The following CNOT10 variants were observed in gnomAD, a reference collection of about 807,000 sequenced individuals.
CNOT10 encodes the protein CCR4-NOT transcription complex, subunit 10.
CNOT10 carries 30 observed loss-of-function variants against 94.6 expected under a neutral mutation model. That is an observed-to-expected ratio of 0.32 (90% CI 0.24 to 0.43). The LOEUF is 0.43. Among genes scored for constraint, CNOT10 ranks in the 20% least tolerant of loss-of-function variants. The pLI is 1.00. For synonymous variants in CNOT10, 289 were observed against 301.6 expected (o/e 0.96, Z 0.43); for missense variants, 759 against 877.2 (o/e 0.87, Z 1.70).
chr3:32,740,774 A>G (rs1699427181), intron 13 of CNOT10, among the ~76,000 whole-genome samples: 1 of 152,024 alleles, frequency 6.6e-6, no homozygotes, highest in East Asian at 1.9e-4. Context: ...AGCCAGGAGA[A>G]TGGCGTGAAC....
At chr3:32,689,312 C>A (rs151166598) in intron 1 of CNOT10, among the ~76,000 whole-genome samples, 1,547 of 148,370 alleles carry the variant, frequency 0.01, 27 homozygotes, top group African/African-American at 0.037. Context: ...AAGATCGTGC[C>A]ATTGCCCTCC....
chr3:32,737,828 T>TTTTATAAAAAGAA (rs1699263113), intron 13 of CNOT10, among the ~76,000 whole-genome samples: 2 of 152,106 alleles, frequency 1.3e-5, no homozygotes, highest in African/African-American at 4.8e-5. Context: ...AACACATTCT[T>TTTTATAAAAAGAA]TTTTATCTTG....
At chr3:32,714,528 G>A (rs1279915433) in intron 5 of CNOT10, among the ~76,000 whole-genome samples, 2 of 151,716 alleles carry the variant, frequency 1.3e-5, no homozygotes, top group African/African-American at 2.4e-5. Flanking sequence ...GGCCAACATG[G>A]TGAAACCGTG....
rs1700582339 is a variant in CNOT10, at chr3:32,764,490, T to C, written c.1876T>C (p.Ser626Pro). The change falls in exon 16 of 19, where the codon TCT becomes CCT. Residue 626 changes from serine to proline, a missense_variant and splice_region_variant. Ser to Pro is a moderately conservative substitution (Grantham distance 74). Coordinates refer to ENST00000328834, the MANE Select transcript of CNOT10 (RefSeq NM_015442.3). ...DKGENEAMES[S>P]GKRAPQCYPS... is the part of the protein sequence containing the mutation. Reference sequence around the variant, plus strand: ...AGGTGAAAATGAAGCAATGGAATCCTGTAAGTAAGAAGTTTTGTGATACTT... The same window carrying C: ...AGGTGAAAATGAAGCAATGGAATCCCGTAAGTAAGAAGTTTTGTGATACTT... 2 of 1,613,550 alleles carry C rather than the reference T, an allele frequency of 1.2e-6. No homozygotes were observed. The highest frequency in any genetic ancestry group is 1.7e-6 in the Non-Finnish European group (2 of 1,179,842).
chr3:32,695,968 AGTGTGTGTGTGTGTGTGT>A (rs764702440), intron 1 of CNOT10: 66,053 of 431,014 alleles, frequency 0.15, 2,488 homozygotes, highest in South Asian at 0.2. Context: ...TGTTGAAGAG[AGTGTGTGTGTGTGTGTGT>A]GTGTGTGTGT....
rs758575131 is a variant in CNOT10, at chr3:32,727,868, G to A, written c.1213G>A (p.Gly405Arg). ...LAECCIAANKGTSEQETKGLP... is the reference protein window; with the variant it reads ...LAECCIAANKRTSEQETKGLP... Reference sequence around the variant, plus strand: ...TGAATGCTGCATTGCTGCCAATAAGGGGGTGAGTGCTACTTGGGTATCTTT... The same window carrying A: ...TGAATGCTGCATTGCTGCCAATAAGAGGGTGAGTGCTACTTGGGTATCTTT... Residue 405 changes from glycine (G) to arginine (R), a missense_variant and splice_region_variant, in exon 10 of 19, where the codon GGG becomes AGG. This residue lies in a region of CNOT10 where 682 missense variants were observed against 799.4 expected (regional missense o/e 0.85). Transcript: ENST00000328834. 1.2e-6 allele frequency: 2 copies of A among 1,611,580 alleles called. No homozygotes were observed. Among genetic ancestry groups the A allele is most frequent in the Non-Finnish European group, 8.5e-7 (1 of 1,179,310 alleles).
chr3:32,688,949 T>C (rs986498109), intron 1 of CNOT10, among the ~76,000 whole-genome samples: 8 of 152,180 alleles, frequency 5.3e-5, no homozygotes, highest in African/African-American at 1.4e-4. Context: ...CTCACGCCTG[T>C]AATCCCAGCA....
intron 15 of CNOT10, among the ~76,000 whole-genome samples, chr3:32,763,604 C>A (rs1017235080): frequency 4.6e-5 from 7 of 151,578 alleles, no homozygotes; most frequent in Admixed American, 2.0e-4. Context: ...GAGCCAAGAT[C>A]ACGCCACTGC....
chr3:32,695,755 C>T, intron 1 of CNOT10: 1 of 1,535,934 alleles, frequency 6.5e-7, no homozygotes, highest in Non-Finnish European at 8.7e-7. Flanking sequence ...GTCGTATACT[C>T]TTTCAATTGG....
At chr3:32,772,844 T>A (rs1370443001) in intron 18 of CNOT10, among the ~76,000 whole-genome samples, 1 of 152,124 alleles carries the variant, frequency 6.6e-6, no homozygotes, top group Admixed American at 6.6e-5. Context: ...TTAGGGTTAG[T>A]GCATTGCCCT....
chr3:32,728,507 A>G (rs1003607604), intron 10 of CNOT10, among the ~76,000 whole-genome samples: 1 of 151,796 alleles, frequency 6.6e-6, no homozygotes, highest in Non-Finnish European at 1.5e-5. Context: ...CAGCTATTCA[A>G]GAGGCTGAAG....
chr3:32,685,493 A>T lies in CNOT10; in HGVS notation c.22+11A>T, dbSNP rs1201887858. On this transcript the variant is annotated intron_variant, in intron 1 of 18. Coordinates refer to ENST00000328834, the MANE Select transcript of CNOT10 (RefSeq NM_015442.3). ...CAGACAAGCCTGCAGGTAGGGCGCC[A>T]ATGTCCCGAGCGACGAGACGGCGGG... 23 of 1,549,962 alleles carry T rather than the reference A, an allele frequency of 1.5e-5. No homozygotes were observed. Among genetic ancestry groups the T allele is most frequent in the Non-Finnish European group, 1.9e-5 (22 of 1,146,596 alleles).
intron 1 of CNOT10, among the ~76,000 whole-genome samples, chr3:32,701,003 G>C (rs1000368797): frequency 2.6e-5 from 4 of 152,210 alleles, no homozygotes; most frequent in Non-Finnish European, 4.4e-5. Context: ...GCCAAGCGCA[G>C]TGGCTCACAC....
intron 1 of CNOT10, among the ~76,000 whole-genome samples, chr3:32,687,390 T>C (rs1165867101): frequency 6.6e-6 from 1 of 151,410 alleles, no homozygotes; most frequent in Non-Finnish European, 1.5e-5. Context: ...GTCATCATTC[T>C]TTTTATTTAA....
At chr3:32,685,928 T>A (rs1416916534) in intron 1 of CNOT10, among the ~76,000 whole-genome samples, 2 of 151,806 alleles carry the variant, frequency 1.3e-5, no homozygotes, top group African/African-American at 4.9e-5. Context: ...AAATTAACTT[T>A]GTAAAAACCA....
At chr3:32,759,737 G>A (rs1197354660) in intron 14 of CNOT10, among the ~76,000 whole-genome samples, 166 bp downstream of exon 14, 1 of 152,154 alleles carries the variant, frequency 6.6e-6, no homozygotes, top group African/African-American at 2.4e-5. Flanking sequence ...CAGTGAAAAT[G>A]TTTTCACTTG....
intron 4 of CNOT10, among the ~76,000 whole-genome samples, chr3:32,710,868 G>T (rs542756833): frequency 2.0e-5 from 3 of 152,160 alleles, no homozygotes; most frequent in South Asian, 2.1e-4. Flanking sequence ...TTACAGTCAC[G>T]CGCCACCACA....
chr3:32,754,910 A>C (rs970547599), intron 13 of CNOT10, among the ~76,000 whole-genome samples: 1 of 151,852 alleles, frequency 6.6e-6, no homozygotes, highest in African/African-American at 2.4e-5. Flanking sequence ...AAAAAAAAAA[A>C]ATAGATATTT....
intron 1 of CNOT10, chr3:32,695,430 T>C: frequency 1.4e-6 from 1 of 696,002 alleles, no homozygotes; most frequent in South Asian, 2.9e-5. Context: ...TTGGAAAAGT[T>C]TTCTTTTCTT....
Sources: gnomAD v4.1 joint callset for allele counts (sites outside exome capture counted in the v4.1 genomes callset) on GRCh38, gnomAD v4.1.1 for gene constraint, gnomAD v4.1.1 regional missense constraint, MANE v1.5 for transcripts, NCBI Gene and HGNC (gene_info 2026-07-23, HGNC 2026-07-21) for gene names.